Variants in CALN1 observed in about 807,000 individuals in gnomAD.
The protein encoded by CALN1 is calneuron 1.
In CALN1, 17 loss-of-function variants were observed where a neutral mutation model predicts 30.6. That is an observed-to-expected ratio of 0.56 (90% CI 0.38 to 0.83). The LOEUF (loss-of-function observed/expected upper bound fraction) is 0.83. Among genes scored for constraint, CALN1 ranks in the 40% least tolerant of loss-of-function variants. CALN1 has a pLI of 0.00. For missense variants in CALN1, 291 were observed against 354.9 expected, an observed-to-expected ratio of 0.82 and a Z score of 1.45; for synonymous variants, 156 against 131.4, an observed-to-expected ratio of 1.19 and a Z score of -1.28.
At chr7:72,270,438 AT>A (rs1211931833) in intron 3 of CALN1, among the ~76,000 whole-genome samples, 1 of 152,186 alleles carries the variant, frequency 6.6e-6, no homozygotes, top group Non-Finnish European at 1.5e-5. Context: ...TTTAAAATGT[AT>A]TTTTATTTGT....
At chr7:72,257,598 A>C (rs1795998417) in intron 3 of CALN1, among the ~76,000 whole-genome samples, 1 of 152,192 alleles carries the variant, frequency 6.6e-6, no homozygotes, top group Admixed American at 6.5e-5. Flanking sequence ...TTGATCCAGC[A>C]ATCCCACTAC....
At chr7:72,063,782 A>AGATTTTG (rs747213563) in intron 4 of CALN1, among the ~76,000 whole-genome samples, 2 of 152,186 alleles carry the variant, frequency 1.3e-5, no homozygotes, top group African/African-American at 2.4e-5. Flanking sequence ...GGGGCATTTC[A>AGATTTTG]GATTTTGGAT....
intron 2 of CALN1, among the ~76,000 whole-genome samples, chr7:72,335,477 G>A (rs1429183481): frequency 6.6e-6 from 1 of 152,184 alleles, no homozygotes; most frequent in African/African-American, 2.4e-5. Flanking sequence ...CTCTGTCGCA[G>A]AGGCTACTGT....
At chr7:72,387,190 A>G (rs183887772) in intron 2 of CALN1, among the ~76,000 whole-genome samples, 2,126 of 131,866 alleles carry the variant, frequency 0.016, 87 homozygotes, top group African/African-American at 0.056. Context: ...CAAACTAAGG[A>G]AGGGAGGGAG....
intron 4 of CALN1, among the ~76,000 whole-genome samples, chr7:72,032,026 C>T (rs1216951045): frequency 1.4e-5 from 2 of 142,290 alleles, no homozygotes; most frequent in East Asian, 2.1e-4. Flanking sequence ...GGATTACAGG[C>T]GTGAGCCACC....
chr7:72,235,612 G>A (rs576108062), intron 3 of CALN1, among the ~76,000 whole-genome samples: 1 of 152,224 alleles, frequency 6.6e-6, no homozygotes, highest in South Asian at 2.1e-4. Context: ...AAAGGGCTCA[G>A]AATTCCACTC....
At chr7:72,010,468 T>C (rs1418925142) in intron 5 of CALN1, among the ~76,000 whole-genome samples, 2 of 152,002 alleles carry the variant, frequency 1.3e-5, no homozygotes, top group Non-Finnish European at 2.9e-5. Flanking sequence ...AAGCCCAAAA[T>C]TCCAAAGCCA....
intron 5 of CALN1, among the ~76,000 whole-genome samples, chr7:71,930,212 G>A (rs1438130759): frequency 6.6e-6 from 1 of 152,110 alleles, no homozygotes; most frequent in East Asian, 1.9e-4. Context: ...CAGAACCCAC[G>A]GATACAGAGT....
At chr7:72,234,019 A>G (rs1013222936) in intron 3 of CALN1, among the ~76,000 whole-genome samples, 1 of 145,586 alleles carries the variant, frequency 6.9e-6, no homozygotes, top group Non-Finnish European at 1.5e-5. Flanking sequence ...AAATAAATAA[A>G]CAAACAAACA....
chr7:72,258,897 T>TAAAA (rs796340783), intron 3 of CALN1, among the ~76,000 whole-genome samples: 2 of 132,730 alleles, frequency 1.5e-5, no homozygotes, highest in African/African-American at 2.8e-5. Context: ...TACTAAAAAG[T>TAAAA]AAAAAAAAAA....
At chr7:72,211,193 C>A (rs1045978427) in intron 3 of CALN1, among the ~76,000 whole-genome samples, 1 of 152,158 alleles carries the variant, frequency 6.6e-6, no homozygotes, top group African/African-American at 2.4e-5. Flanking sequence ...CAACCTGACC[C>A]TTTCCCACCT....
intron 4 of CALN1, among the ~76,000 whole-genome samples, chr7:72,087,129 T>G (rs533381835): frequency 6.7e-4 from 102 of 152,332 alleles, no homozygotes; most frequent in Non-Finnish European, 1.2e-3. Context: ...GGAACAGTAC[T>G]ATTAAAGTCA....
intron 2 of CALN1, among the ~76,000 whole-genome samples, chr7:72,374,234 G>T (rs576020046): frequency 5.9e-5 from 9 of 152,272 alleles, no homozygotes; most frequent in African/African-American, 2.2e-4. Flanking sequence ...TTCTTCTATT[G>T]AAATGTTTAG....
chr7:72,170,232 A>G (rs112798065), intron 3 of CALN1, among the ~76,000 whole-genome samples: 17 of 152,216 alleles, frequency 1.1e-4, no homozygotes, highest in African/African-American at 3.6e-4. Context: ...ATCCTGCTCA[A>G]CCCTTCAAGT....
chr7:72,348,725 C>G (rs190276835), intron 2 of CALN1, among the ~76,000 whole-genome samples: 9 of 152,300 alleles, frequency 5.9e-5, no homozygotes, highest in Admixed American at 3.9e-4. Flanking sequence ...CAGGAATAAA[C>G]TAGCTCTAGA....
intron 5 of CALN1, among the ~76,000 whole-genome samples, chr7:72,016,045 T>TC (rs1040944885): frequency 6.6e-6 from 1 of 152,044 alleles, no homozygotes; most frequent in African/African-American, 2.4e-5. Flanking sequence ...GGTCAGGAGT[T>TC]CCAGACCAGC....
chr7:72,124,781 AAAAC>A (rs1808625824), intron 3 of CALN1, among the ~76,000 whole-genome samples: 1 of 152,140 alleles, frequency 6.6e-6, no homozygotes, highest in Non-Finnish European at 1.5e-5. Context: ...CTGAAGAAAA[AAAAC>A]AAATGAACTG....
chr7:72,181,108 C>G (rs1279705582), intron 3 of CALN1, among the ~76,000 whole-genome samples: 5 of 112,548 alleles, frequency 4.4e-5, no homozygotes, highest in African/African-American at 1.3e-4. Context: ...CCCCCCCCCC[C>G]CCAAAAAAAA....
chr7:71,861,207 C>G (rs1014930982), intron 5 of CALN1, among the ~76,000 whole-genome samples: 2 of 151,914 alleles, frequency 1.3e-5, no homozygotes, highest in South Asian at 4.2e-4. Flanking sequence ...GTGTGTGTTA[C>G]GCTTATGCAA....
Sources: gnomAD v4.1 joint callset for allele counts (sites outside exome capture counted in the v4.1 genomes callset) on GRCh38, gnomAD v4.1.1 for gene constraint, MANE v1.5 for transcripts, NCBI Gene and HGNC (gene_info 2026-07-23, HGNC 2026-07-21) for gene names.